The following WNK3 variants were observed in gnomAD, a reference collection of about 807,000 sequenced individuals.
The protein encoded by WNK3 is serine/threonine-protein kinase WNK3.
Under a neutral mutation model 116.7 loss-of-function variants are expected in WNK3, and 18 were observed. The ratio of observed to expected loss-of-function variants is 0.15; its 90% confidence interval spans 0.11 to 0.23. The LOEUF is 0.23. Among genes scored for constraint, WNK3 ranks in the 10% least tolerant of loss-of-function variants. WNK3 has a pLI of 1.00. For synonymous variants in WNK3, 404 were observed against 469.4 expected (o/e 0.86, Z 1.80); for missense variants, 993 against 1,323.8 (o/e 0.75, Z 3.88).
chrX:54,222,941 A>ATAT (rs59332285), intron 22 of WNK3, among the ~76,000 whole-genome samples: 1,232 of 83,885 alleles, frequency 0.015, 8 homozygotes, highest in Middle Eastern at 0.034. Flanking sequence ...TATATATATA[A>ATAT]AAAAAGACAC....
intron 7 of WNK3, among the ~76,000 whole-genome samples, chrX:54,297,852 TCA>T (rs1330807396): frequency 4.5e-5 from 5 of 110,783 alleles, no homozygotes; most frequent in African/African-American, 1.6e-4. Context: ...GGTGGGCGGA[TCA>T]CAAGGTCAGG....
At chrX:54,236,851 C>A in intron 20 of WNK3, 87 bp downstream of exon 20, 1 of 1,025,277 alleles carries the variant, frequency 9.8e-7, no homozygotes, top group Non-Finnish European at 1.3e-6. Flanking sequence ...TAAAATGTCA[C>A]CAATCCTAAA....
At chrX:54,230,885 C>T (rs1185231954) in intron 21 of WNK3, among the ~76,000 whole-genome samples, 1 of 112,562 alleles carries the variant, frequency 8.9e-6, no homozygotes, top group Non-Finnish European at 1.9e-5. Flanking sequence ...GATCATACTT[C>T]TCTGGCCATG....
chrX:54,227,253 CT>C (rs1257137822), intron 22 of WNK3, among the ~76,000 whole-genome samples: 2 of 111,079 alleles, frequency 1.8e-5, no homozygotes, highest in Non-Finnish European at 3.8e-5. Context: ...TGGGAATTGC[CT>C]TTTTAAATTT....
At chrX:54,292,447 G>C (rs2068648451) in intron 10 of WNK3, among the ~76,000 whole-genome samples, 1 of 111,206 alleles carries the variant, frequency 9.0e-6, no homozygotes, top group Non-Finnish European at 1.9e-5. Flanking sequence ...GCTCATGTCT[G>C]TTATCCTAGC....
rs190471786 is a variant in WNK3, at chrX:54,249,517, C to A, written c.2831G>T (p.Gly944Val). 471 of 1,209,965 alleles carry A rather than the reference C, an allele frequency of 3.9e-4. 1 individual carries two copies. The East Asian group carries it at 0.013, about 33-fold the overall frequency. Reference sequence around the variant, plus strand: ...TACACTAGCACATTCAGAAATCTTACCATCAACCACATCCTTGTGTTCTGA... The same window carrying A: ...TACACTAGCACATTCAGAAATCTTAACATCAACCACATCCTTGTGTTCTGA... The change falls in exon 17 of 24, where the codon GGT becomes GTT. Residue 944 changes from glycine to valine, a missense_variant. Around this residue, in one of 4 missense-constraint regions of WNK3, gnomAD observed 836 missense variants for 976.5 expected, o/e 0.86. Coordinates refer to ENST00000354646, the Ensembl canonical transcript of WNK3.
chrX:54,254,568 A>G (rs1414968598), intron 12 of WNK3, among the ~76,000 whole-genome samples: 1 of 111,790 alleles, frequency 8.9e-6, no homozygotes, highest in African/African-American at 3.2e-5. Flanking sequence ...TAATAAGGAA[A>G]TAATCAGGGA....
At chrX:54,313,946 C>T (rs2068918070) in intron 2 of WNK3, among the ~76,000 whole-genome samples, 1 of 109,409 alleles carries the variant, frequency 9.1e-6, no homozygotes, top group Non-Finnish European at 1.9e-5. Flanking sequence ...AATCCCAGCA[C>T]TTTGGGAGGC....
In WNK3 at chrX:54,198,448, G is replaced by A. The variant is rs1787810900; in HGVS notation, c.5279C>T (p.Thr1760Ile). 1 of 1,208,699 alleles carries A rather than the reference G, an allele frequency of 8.3e-7. No homozygotes were observed. Among genetic ancestry groups the A allele is most frequent in the Admixed American group, 2.2e-5 (1 of 45,499 alleles). The change falls in exon 24 of 24, where the codon ACA becomes ATA. Residue 1760 changes from threonine to isoleucine, a missense_variant. By Grantham distance (89) the Thr-to-Ile change is moderately conservative (BLOSUM62 -1). Coordinates refer to ENST00000354646, the Ensembl canonical transcript of WNK3. ...GGGAATTACTACAGATTGTTGTGTT[G>A]TTCCTGAAATTCCTACCCACTGTAC...
chrX:54,268,499 A>C (rs2068342880), intron 10 of WNK3, among the ~76,000 whole-genome samples: 1 of 110,882 alleles, frequency 9.0e-6, no homozygotes, highest in Non-Finnish European at 1.9e-5. Flanking sequence ...GCCTCAAAAA[A>C]ATTTTTAAAA....
chrX:54,293,146 C>G, exon 9 of WNK3: 1 of 1,205,279 alleles, frequency 8.3e-7, no homozygotes, highest in Non-Finnish European at 1.1e-6. Context: ...CTGAAACTTG[C>G]TGGTAATGTC....
At chrX:54,309,871 A>G (rs2068866784) in intron 3 of WNK3, among the ~76,000 whole-genome samples, 1 of 111,387 alleles carries the variant, frequency 9.0e-6, no homozygotes, top group African/African-American at 3.3e-5. Context: ...ATCATTCCAG[A>G]GTGGCCTTTT....
At chrX:54,266,763 T>C (rs1380486068) in intron 10 of WNK3, among the ~76,000 whole-genome samples, 4 of 110,776 alleles carry the variant, frequency 3.6e-5, no homozygotes, top group Admixed American at 2.9e-4. Context: ...CTGGGATACA[T>C]GTGCTGAACG....
intron 22 of WNK3, chrX:54,223,851 TG>T (rs2146806312): frequency 7.4e-6 from 1 of 135,612 alleles, no homozygotes; most frequent in Non-Finnish European, 1.5e-5. Context: ...AAGAGAAGAC[TG>T]GGATGTCTAG....
chrX:54,250,200 A>C, intron 15 of WNK3, 69 bp from the exon 16 acceptor site: 3 of 1,016,104 alleles, frequency 3.0e-6, no homozygotes, highest in Non-Finnish European at 3.9e-6. Context: ...TTGACTGAAG[A>C]AGCCAGGTTA....
At chrX:54,282,929 AC>A (rs2068533923) in intron 10 of WNK3, among the ~76,000 whole-genome samples, 1 of 112,153 alleles carries the variant, frequency 8.9e-6, no homozygotes, top group Non-Finnish European at 1.9e-5. Flanking sequence ...TAGATATGAC[AC>A]CAAAAGCACA....
intron 20 of WNK3, among the ~76,000 whole-genome samples, chrX:54,235,436 G>A (rs1350649208): frequency 3.6e-5 from 4 of 111,458 alleles, no homozygotes; most frequent in Non-Finnish European, 5.6e-5. Context: ...ACAGGTGCGC[G>A]CCACCACGTC....
intron 23 of WNK3, among the ~76,000 whole-genome samples, chrX:54,199,833 C>CA (rs1242618342): frequency 5.4e-5 from 6 of 110,969 alleles, no homozygotes; most frequent in Non-Finnish European, 5.7e-5. Flanking sequence ...AACTCCGTCT[C>CA]AAAAAAAATA....
At chrX:54,297,303 A>G (rs1305371300) in intron 7 of WNK3, among the ~76,000 whole-genome samples, 1 of 111,679 alleles carries the variant, frequency 9.0e-6, no homozygotes, top group Non-Finnish European at 1.9e-5. Context: ...GGCCGGGCAC[A>G]GTGGCTGATA....
Sources: allele counts gnomAD v4.1 joint callset (sites outside exome capture counted in the v4.1 genomes callset), GRCh38; gene constraint gnomAD v4.1.1; regional missense constraint gnomAD v4.1.1; transcripts MANE v1.5; gene names NCBI Gene and HGNC (gene_info 2026-07-23, HGNC 2026-07-21).